The following NRXN3 variants were observed in gnomAD, a reference collection of about 807,000 sequenced individuals.
The protein encoded by NRXN3 is neurexin 3.
In NRXN3, 32 loss-of-function variants were observed where a neutral mutation model predicts 137.6. The ratio of observed to expected loss-of-function variants is 0.23; its 90% confidence interval spans 0.18 to 0.31. NRXN3 has a LOEUF of 0.31. Ranked by LOEUF, NRXN3 falls within the 10% of genes least tolerant of loss-of-function variation. The pLI is 1.00. For missense variants in NRXN3, 1,574 were observed against 2,062.5 expected (o/e 0.76, Z 4.59); for synonymous variants, 798 against 784.5 (o/e 1.02, Z -0.29).
intron 4 of NRXN3, among the ~76,000 whole-genome samples, chr14:78,608,581 G>A (rs1301548575): frequency 6.6e-6 from 1 of 152,156 alleles, no homozygotes; most frequent in Admixed American, 6.5e-5. Context: ...ATTAAGCTCA[G>A]TGTCACTTGA....
intron 15 of NRXN3, among the ~76,000 whole-genome samples, chr14:79,176,971 A>G (rs2062408645): frequency 6.6e-6 from 1 of 152,244 alleles, no homozygotes. Context: ...TGATAAATGA[A>G]TGATGAACCA....
chr14:78,327,484 G>A (rs2080247761), intron 4 of NRXN3, among the ~76,000 whole-genome samples: 1 of 152,160 alleles, frequency 6.6e-6, no homozygotes, highest in Non-Finnish European at 1.5e-5. Context: ...ACCAAAGACA[G>A]TAAGTTATTT....
intron 16 of NRXN3, among the ~76,000 whole-genome samples, chr14:79,529,885 C>T (rs1028069380): frequency 6.6e-6 from 1 of 152,136 alleles, no homozygotes; most frequent in Non-Finnish European, 1.5e-5. Context: ...AAGTCGAAAA[C>T]TGCCAGCCTA....
chr14:79,068,576 G>A (rs1316284820), intron 15 of NRXN3, among the ~76,000 whole-genome samples: 1 of 152,056 alleles, frequency 6.6e-6, no homozygotes, highest in Non-Finnish European at 1.5e-5. Context: ...CACATTTAAA[G>A]TCTCCACTTG....
intron 15 of NRXN3, among the ~76,000 whole-genome samples, chr14:79,089,224 G>C (rs1410647323): frequency 6.6e-6 from 1 of 152,098 alleles, no homozygotes; most frequent in Non-Finnish European, 1.5e-5. Context: ...AACTTATAGA[G>C]AAAATATGAT....
chr14:79,070,341 T>C (rs2099686072), intron 15 of NRXN3, among the ~76,000 whole-genome samples: 1 of 152,162 alleles, frequency 6.6e-6, no homozygotes, highest in African/African-American at 2.4e-5. Context: ...AAGAAAGAAA[T>C]TAAAAATGTA....
chr14:79,797,724 G>A (rs2099165232), intron 19 of NRXN3, among the ~76,000 whole-genome samples: 1 of 152,146 alleles, frequency 6.6e-6, no homozygotes, highest in African/African-American at 2.4e-5. Flanking sequence ...GAGTGAGAGG[G>A]ATGGGGGAGA....
intron 10 of NRXN3, among the ~76,000 whole-genome samples, chr14:78,892,602 A>G (rs2099162191): frequency 1.3e-5 from 2 of 151,378 alleles, no homozygotes; most frequent in African/African-American, 2.4e-5. Flanking sequence ...TACTGAGTTC[A>G]TATTAACAGA....
At chr14:79,086,965 A>G (rs768516590) in intron 15 of NRXN3, among the ~76,000 whole-genome samples, 7 of 152,210 alleles carry the variant, frequency 4.6e-5, no homozygotes, top group Non-Finnish European at 8.8e-5. Flanking sequence ...TGATTATGGT[A>G]AACACACCTG....
chr14:78,781,622 C>A (rs1426964042), intron 8 of NRXN3, among the ~76,000 whole-genome samples: 1 of 152,080 alleles, frequency 6.6e-6, no homozygotes, highest in Admixed American at 6.5e-5. Flanking sequence ...TGACATTCAG[C>A]CTCATTGAGA....
intron 19 of NRXN3, among the ~76,000 whole-genome samples, chr14:79,755,753 AG>A (rs1473110101): frequency 6.6e-6 from 1 of 152,168 alleles, no homozygotes; most frequent in African/African-American, 2.4e-5. Context: ...ATAGTCAGAT[AG>A]GAATTGAATT....
intron 16 of NRXN3, among the ~76,000 whole-genome samples, chr14:79,541,343 G>A (rs1015627336): frequency 6.6e-6 from 1 of 152,122 alleles, no homozygotes; most frequent in Non-Finnish European, 1.5e-5. Flanking sequence ...GGCGGAGGTT[G>A]CAGTGAGCCA....
chr14:79,721,564 G>A (rs1001629318), intron 19 of NRXN3, among the ~76,000 whole-genome samples: 1 of 152,106 alleles, frequency 6.6e-6, no homozygotes, highest in Non-Finnish European at 1.5e-5. Context: ...GGAATGATTA[G>A]GGGAATTGAA....
intron 10 of NRXN3, among the ~76,000 whole-genome samples, chr14:78,907,786 T>G (rs2099222863): frequency 6.6e-6 from 1 of 152,028 alleles, no homozygotes; most frequent in African/African-American, 2.4e-5. Context: ...ATTCTCTTCC[T>G]CCTCCCACCC....
At chr14:78,700,221 G>C (rs1567090540) in intron 6 of NRXN3, among the ~76,000 whole-genome samples, 1 of 152,158 alleles carries the variant, frequency 6.6e-6, no homozygotes, top group Non-Finnish European at 1.5e-5. Context: ...ATGGGATTTT[G>C]TTTCTAATAT....
chr14:79,795,027 C>CA (rs1189089359), intron 19 of NRXN3, among the ~76,000 whole-genome samples: 1 of 152,110 alleles, frequency 6.6e-6, no homozygotes, highest in Non-Finnish European at 1.5e-5. Context: ...TCTTTGTGAG[C>CA]AAAAAACCCT....
chr14:79,096,357 A>G (rs924689914), intron 15 of NRXN3, among the ~76,000 whole-genome samples: 1 of 150,722 alleles, frequency 6.6e-6, no homozygotes, highest in African/African-American at 2.4e-5. Context: ...CAATCCGCTC[A>G]CCTTGGCCTC....
chr14:78,897,529 G>A (rs1030451907), intron 10 of NRXN3, among the ~76,000 whole-genome samples: 7 of 151,850 alleles, frequency 4.6e-5, no homozygotes, highest in African/African-American at 1.7e-4. Context: ...GAGAAATGTT[G>A]GATAAGATGT....
At chr14:78,263,883 G>A (rs1017748752) in intron 2 of NRXN3, among the ~76,000 whole-genome samples, 2 of 70,604 alleles carry the variant, frequency 2.8e-5, no homozygotes, top group African/African-American at 1.0e-4. Flanking sequence ...TTGTGTGTGT[G>A]TGTGTGTGTG....
Sources: allele counts gnomAD v4.1 joint callset (sites outside exome capture counted in the v4.1 genomes callset), GRCh38; gene constraint gnomAD v4.1.1; transcripts MANE v1.5; gene names NCBI Gene and HGNC (gene_info 2026-07-23, HGNC 2026-07-21).